N4BP2L2: variants seen among roughly 807,000 people sequenced by gnomAD.
N4BP2L2 encodes NEDD4 binding protein 2 like 2.
N4BP2L2 carries 50 observed loss-of-function variants against 56.2 expected under a neutral mutation model. That is an observed-to-expected ratio of 0.89 (90% CI 0.71 to 1.13). The LOEUF (loss-of-function observed/expected upper bound fraction) is 1.13. Ranked by LOEUF, N4BP2L2 falls within the 50% of genes most tolerant of loss-of-function variation. The pLI is 0.00. For missense variants in N4BP2L2, 689 were observed against 693.8 expected (o/e 0.99, Z 0.08); for synonymous variants, 203 against 223.6 (o/e 0.91, Z 0.82).
At chr13:32,480,875 T>C (rs1339638602) in intron 6 of N4BP2L2, among the ~76,000 whole-genome samples, 3 of 151,834 alleles carry the variant, frequency 2.0e-5, no homozygotes. Flanking sequence ...TCCCAGCACT[T>C]TGGGAGGCTG....
exon 7 of N4BP2L2, chr13:32,443,524 C>A (rs754929118): frequency 6.2e-7 from 1 of 1,610,952 alleles, no homozygotes; most frequent in Non-Finnish European, 8.5e-7. Context: ...ATGTTGATGG[C>A]ACAGAATGGG....
chr13:32,444,287 T>C (rs1315608730), intron 6 of N4BP2L2, among the ~76,000 whole-genome samples: 1 of 152,234 alleles, frequency 6.6e-6, no homozygotes, highest in African/African-American at 2.4e-5. Context: ...TGTTTTGAGA[T>C]GGAGTCTCGC....
intron 6 of N4BP2L2, among the ~76,000 whole-genome samples, chr13:32,491,691 G>C (rs1273093819): frequency 2.0e-5 from 3 of 148,812 alleles, no homozygotes; most frequent in African/African-American, 7.4e-5. Flanking sequence ...GAGTGCAGTG[G>C]CGCAATCTCG....
intron 6 of N4BP2L2, among the ~76,000 whole-genome samples, chr13:32,496,435 G>T (rs752297724): frequency 6.6e-6 from 1 of 152,162 alleles, no homozygotes; most frequent in Non-Finnish European, 1.5e-5. Context: ...CATAACAAGT[G>T]TGCTGGAGTT....
Position 32,443,798 on chromosome 13 carries a change from T to C in N4BP2L2, c.694A>G (p.Asn232Asp), listed in dbSNP as rs756307634. The change falls in exon 7 of 10, where the codon AAC becomes GAC. Residue 232 changes from asparagine to aspartate, a missense_variant. Physicochemically the swap from Asn to Asp is conservative, Grantham distance 23. Coordinates refer to the N4BP2L2 transcript ENST00000357505. Reference sequence around the variant, plus strand: ...TTAGAGAGGTAATTCTTTGGTGTGTTGTCTAATTCAACTATAGACATAACG... The same window carrying C: ...TTAGAGAGGTAATTCTTTGGTGTGTCGTCTAATTCAACTATAGACATAACG... 1.1e-5 allele frequency: 18 copies of C among 1,582,990 alleles called. No homozygotes were observed. In the African/African-American group the frequency reaches 1.8e-4, roughly 16 times the overall value.
At chr13:32,447,720 A>C (rs778831761) in intron 6 of N4BP2L2, among the ~76,000 whole-genome samples, 1 of 152,180 alleles carries the variant, frequency 6.6e-6, no homozygotes, top group Non-Finnish European at 1.5e-5. Flanking sequence ...AATACTCCCC[A>C]AGAGTTGCTT....
At chr13:32,510,340 AAAAT>A (rs1410730542) in exon 6 of N4BP2L2, 90 of 152,254 alleles carry the variant, frequency 5.9e-4, no homozygotes, top group African/African-American at 2.1e-3. Context: ...AATGCTAATT[AAAAT>A]AATAAAATAT....
exon 6 of N4BP2L2, chr13:32,512,151 G>GA (rs2139794118): frequency 6.6e-6 from 1 of 152,092 alleles, no homozygotes; most frequent in East Asian, 1.9e-4. Context: ...TTTCAACCAT[G>GA]AAAAACCACA....
At chr13:32,536,087 T>G (rs1256616485) in exon 2 of N4BP2L2, 4 of 1,614,102 alleles carry the variant, frequency 2.5e-6, no homozygotes, top group Non-Finnish European at 3.4e-6. Context: ...ATATCCATTT[T>G]GTATCTGAGA....
chr13:32,457,096 G>A (rs1208938367), intron 6 of N4BP2L2, among the ~76,000 whole-genome samples: 2 of 152,106 alleles, frequency 1.3e-5, no homozygotes, highest in East Asian at 1.9e-4. Flanking sequence ...CTGAGATCAC[G>A]CCACTGCACT....
chr13:32,527,673 T>G (rs2053444531), intron 2 of N4BP2L2, 141 bp from the exon 3 acceptor site: 2 of 918,274 alleles, frequency 2.2e-6, no homozygotes, highest in Non-Finnish European at 3.3e-6. Flanking sequence ...TACCTGAAAG[T>G]ATATCACGAA....
chr13:32,475,069 CTG>C (rs1393685789), intron 6 of N4BP2L2, among the ~76,000 whole-genome samples: 3 of 152,140 alleles, frequency 2.0e-5, no homozygotes, highest in African/African-American at 7.2e-5. Context: ...CATGCAGAAA[CTG>C]TTAAAATTTG....
intron 2 of N4BP2L2, among the ~76,000 whole-genome samples, chr13:32,531,771 A>C (rs1368055436): frequency 6.6e-6 from 1 of 152,248 alleles, no homozygotes; most frequent in Non-Finnish European, 1.5e-5. Context: ...CCACAAACGT[A>C]AAACAACAGG....
At chr13:32,472,104 A>G (rs929527647) in intron 6 of N4BP2L2, among the ~76,000 whole-genome samples, 3 of 152,254 alleles carry the variant, frequency 2.0e-5, no homozygotes, top group Non-Finnish European at 2.9e-5. Flanking sequence ...AGGATGGTCT[A>G]TAAGACAACT....
At chr13:32,521,595 A>C in intron 4 of N4BP2L2, 146 bp from the exon 5 acceptor site, 1 of 550,366 alleles carries the variant, frequency 1.8e-6, no homozygotes, top group Non-Finnish European at 3.2e-6. Context: ...ATGGTTTATA[A>C]CAGTTAAGAC....
intron 6 of N4BP2L2, chr13:32,478,455 A>G (rs1196947307): frequency 5.8e-6 from 1 of 171,520 alleles, no homozygotes; most frequent in African/African-American, 2.4e-5. Context: ...GAAAGGAGCA[A>G]AAGAATATGG....
At chr13:32,459,770 A>C (rs967307331) in intron 6 of N4BP2L2, among the ~76,000 whole-genome samples, 1 of 152,172 alleles carries the variant, frequency 6.6e-6, no homozygotes, top group African/African-American at 2.4e-5. Flanking sequence ...ATTCCAAAAA[A>C]AATGAAGAGG....
At chr13:32,494,791 T>C (rs1390288303) in intron 6 of N4BP2L2, among the ~76,000 whole-genome samples, 1 of 152,104 alleles carries the variant, frequency 6.6e-6, no homozygotes, top group African/African-American at 2.4e-5. Flanking sequence ...GAACATTTCT[T>C]CTGCATTTTT....
At chr13:32,519,793 C>CA (rs2050286473) in intron 5 of N4BP2L2, among the ~76,000 whole-genome samples, 1 of 151,960 alleles carries the variant, frequency 6.6e-6, no homozygotes, top group Non-Finnish European at 1.5e-5. Flanking sequence ...CAATCCTTTT[C>CA]AAAAATCAAG....
Sources: allele counts gnomAD v4.1 joint callset (sites outside exome capture counted in the v4.1 genomes callset), GRCh38; gene constraint gnomAD v4.1.1; transcripts MANE v1.5; gene names NCBI Gene and HGNC (gene_info 2026-07-23, HGNC 2026-07-21).